The following ZNF512B variants were observed in gnomAD, a reference collection of about 807,000 sequenced individuals.
ZNF512B encodes zinc finger protein 512B.
Under a neutral mutation model 87.8 loss-of-function variants are expected in ZNF512B, and 22 were observed. The observed-to-expected ratio is 0.25, with a 90% CI of 0.18 to 0.36. ZNF512B has a LOEUF of 0.36. ZNF512B is among the 10% of genes least tolerant of loss of function. The pLI is 1.00. For missense variants in ZNF512B, 1,060 were observed against 1,231.6 expected, an observed-to-expected ratio of 0.86 and a Z score of 2.09; for synonymous variants, 524 against 490.9, an observed-to-expected ratio of 1.07 and a Z score of -0.89.
chr20:63,962,921 G>A, intron 12 of ZNF512B, 140 bp from the exon 13 acceptor site: 1 of 1,263,452 alleles, frequency 7.9e-7, no homozygotes, highest in South Asian at 1.5e-5. Flanking sequence ...GGCAACCCGA[G>A]GGAACACGGA....
rs1016937428 is a variant in ZNF512B at position 63,962,113 on chromosome 20, GGT to G, written c.2266-111_2266-110del. On this transcript the variant is annotated intron_variant, in intron 14 of 16. Transcript: ENST00000369888. ...TGAGGCTCTTTGGGGCAAGTGAGGG[GGT>G]GTGAGTCCTGGGGACTGGGCAGGCT... 7 of 1,373,958 alleles carry G rather than the reference GGT, an allele frequency of 5.1e-6. No homozygotes were observed. The Admixed American group carries it at 1.4e-4, about 27-fold the overall frequency. The allele number at this position is 1,373,958 out of a possible 1,614,324, so 85.1% of individuals were successfully genotyped here.
rs190445479 is a variant in ZNF512B at position 63,959,473 on chromosome 20, C to T, written c.*415G>A. The T allele has an allele frequency of 2.7e-4, 54 of 199,340 alleles. No homozygotes were observed. Among genetic ancestry groups the T allele is most frequent in the Middle Eastern group, 2.0e-3 (1 of 512 alleles). 12.3% of individuals were successfully genotyped at this position (199,340 alleles called of 1,614,324 possible). On this transcript the variant is annotated 3_prime_UTR_variant, in exon 17 of 17. Coordinates refer to ENST00000369888, the MANE Select transcript of ZNF512B (RefSeq NM_020713.3). ...TGCCAGGTTGCTCAGGTGCCCTCACCAGCCCAGAACCACAGGTCACCAGGG... is the reference window on the plus strand; with the variant it reads ...TGCCAGGTTGCTCAGGTGCCCTCACTAGCCCAGAACCACAGGTCACCAGGG...
rs1018687348 is a variant in ZNF512B at position 63,967,892 on chromosome 20, G to A, written c.59C>T (p.Pro20Leu). Reference sequence around the variant, plus strand: ...CTCCTTTCGGCTGCCATCCTTCCCGGGACCACTCTTGCTGGACCCCGGGAG... The same window carrying A: ...CTCCTTTCGGCTGCCATCCTTCCCGAGACCACTCTTGCTGGACCCCGGGAG... The part of the protein sequence containing the change: ...RRLPGSSKSG[P>L]GKDGSRKEVR... The change falls in exon 2 of 17, where the codon CCC becomes CTC. Residue 20 changes from proline (P) to leucine (L), a missense_variant. Pro to Leu is a moderately conservative substitution (Grantham distance 98). Transcript: ENST00000369888. 3.1e-6 allele frequency: 5 copies of A among 1,613,076 alleles called. No homozygotes were observed. Among genetic ancestry groups the A allele is most frequent in the Non-Finnish European group, 4.2e-6 (5 of 1,179,790 alleles).
chr20:63,964,017 T>TG (rs1372133935), intron 8 of ZNF512B, 54 bp downstream of exon 8: 6 of 1,593,884 alleles, frequency 3.8e-6, no homozygotes, highest in Non-Finnish European at 5.1e-6. Flanking sequence ...CCCTGTGCTG[T>TG]GGGATCTACC....
Position 63,963,726 on chromosome 20 carries a change from A to G in ZNF512B, c.1606-16T>C, listed in dbSNP as rs1386100313. ...CATCCTGAAGCTGCAGATGGCCCAC[A>G]TGTGAGAAGCCTGCCTGGGGCCAGG... is the stretch of plus-strand genomic sequence containing the variant. On this transcript the variant is annotated splice_polypyrimidine_tract_variant and intron_variant, in intron 9 of 16. Transcript: ENST00000369888. The G allele has an allele frequency of 1.2e-6, 2 of 1,613,172 alleles. No individual in the cohort carries two copies. The highest frequency in any genetic ancestry group is 2.2e-5 in the East Asian group (1 of 44,858).
Position 63,962,021 on chromosome 20 carries a change from C to T in ZNF512B, c.2266-17G>A, listed in dbSNP as rs986777489. 13 of 1,550,646 alleles carry T rather than the reference C, an allele frequency of 8.4e-6. No individual in the cohort carries two copies. The highest frequency in any genetic ancestry group is 5.5e-5 in the African/African-American group (4 of 73,028). On this transcript the variant is annotated splice_polypyrimidine_tract_variant and intron_variant, in intron 14 of 16. Coordinates refer to ENST00000369888, the MANE Select transcript of ZNF512B (RefSeq NM_020713.3). ...TTCACAGCACTGCAGGGAAGGGAGC[C>T]GTGGGCGAAGGCCTCTGGTGGGCAC... is the stretch of plus-strand genomic sequence containing the variant.
intron 2 of ZNF512B, 53 bp from the exon 3 acceptor site, chr20:63,967,576 C>A (rs573696322): frequency 2.5e-5 from 38 of 1,534,610 alleles, no homozygotes; most frequent in Non-Finnish European, 5.3e-6. Flanking sequence ...CGCCTACCAC[C>A]GGCGGCTGCA....
chr20:63,966,428 G>T lies in ZNF512B; in HGVS notation c.747C>A (p.Thr249=), dbSNP rs371730616. 2 of 1,613,948 alleles carry T rather than the reference G, an allele frequency of 1.2e-6. 1 individual carries two copies. Among genetic ancestry groups the T allele is most frequent in the Admixed American group, 3.3e-5 (2 of 59,978 alleles). The change falls in exon 5 of 17, where the codon ACC becomes ACA. Residue 249 remains threonine (T), a synonymous_variant. Coordinates refer to ENST00000369888, the MANE Select transcript of ZNF512B (RefSeq NM_020713.3). ...PVTVSRPMPV[T]KAMPVTKPIT... is the part of the protein sequence containing the mutation. ...TGGGTTTGGTGACCGGCATGGCCTTGGTGACGGGCATGGGCCTGCTGACTG... is the reference window on the plus strand; with the variant it reads ...TGGGTTTGGTGACCGGCATGGCCTTTGTGACGGGCATGGGCCTGCTGACTG...
In ZNF512B at chr20:63,961,254, C is replaced by T. The variant is rs2058847416; in HGVS notation, c.2427+55G>A. 6.3e-7 allele frequency: 1 copy of T among 1,575,446 alleles called. No homozygotes were observed. Among genetic ancestry groups the T allele is most frequent in the African/African-American group, 1.3e-5 (1 of 74,410 alleles). ...CCCCCAAGGGGTGCCCAACCCCAGCCCTGTCCCCTCCTGGGCTAGCCCCCA... is the reference window on the plus strand; with the variant it reads ...CCCCCAAGGGGTGCCCAACCCCAGCTCTGTCCCCTCCTGGGCTAGCCCCCA... On this transcript the variant is annotated intron_variant, in intron 16 of 16. Transcript: ENST00000369888. The surrounding 1 kb of genome is among the most constrained non-coding windows in gnomAD (Gnocchi z 6.4).
Position 63,959,782 on chromosome 20 carries a change from G to T in ZNF512B, c.*106C>A. ...TGCCCCACTGGACGGATGAAGAGGCGGGGGTGGGGGATGGAGAACTGGAGG... is the reference window on the plus strand; with the variant it reads ...TGCCCCACTGGACGGATGAAGAGGCTGGGGTGGGGGATGGAGAACTGGAGG... On this transcript the variant is annotated 3_prime_UTR_variant, in exon 17 of 17. Coordinates refer to ENST00000369888, the MANE Select transcript of ZNF512B (RefSeq NM_020713.3). 7.0e-7 allele frequency: 1 copy of T among 1,422,916 alleles called. No homozygotes were observed. Among genetic ancestry groups the T allele is most frequent in the Non-Finnish European group, 9.3e-7 (1 of 1,080,974 alleles). The allele number at this position is 1,422,916 out of a possible 1,614,324, so 88.1% of individuals were successfully genotyped here. A position where few individuals can be genotyped will look rare whatever the true frequency, so the allele number is the denominator to read the frequency against.
intron 1 of ZNF512B, among the ~76,000 whole-genome samples, chr20:63,968,878 G>A (rs571763356): frequency 2.0e-4 from 30 of 152,388 alleles, no homozygotes; most frequent in African/African-American, 7.2e-4. Context: ...TGAGAGCTGG[G>A]GAGCAGAGGA....
Position 63,963,172 on chromosome 20 carries a change from G to T in ZNF512B, c.1891C>A (p.Pro631Thr). The T allele has an allele frequency of 1.9e-6, 3 of 1,548,624 alleles. No individual in the cohort carries two copies. Among genetic ancestry groups the T allele is most frequent in the Non-Finnish European group, 2.6e-6 (3 of 1,152,382 alleles). The part of the protein sequence containing the change: ...PPCEVDSPSF[P>T]CTHCGKTYRS... ...TACGTCTTGCCACAGTGGGTGCAGG[G>T]GAAGGAGGGGCTGTCCACCTCGCAG... The change falls in exon 12 of 17, where the codon CCC becomes ACC. Residue 631 changes from proline to threonine, a missense_variant. Physicochemically the swap from Pro to Thr is conservative, Grantham distance 38 (BLOSUM62 -1). Transcript: ENST00000369888.
chr20:63,966,164 T>C lies in ZNF512B; in HGVS notation c.1011A>G (p.Thr337=), dbSNP rs765929271. 71 of 1,610,024 alleles carry C rather than the reference T, an allele frequency of 4.4e-5. No homozygotes were observed. Among genetic ancestry groups the C allele is most frequent in the Non-Finnish European group, 5.9e-5 (70 of 1,177,670 alleles). The change falls in exon 5 of 17, where the codon ACA becomes ACG. Residue 337 remains threonine (T), a synonymous_variant. Transcript: ENST00000369888. ...TRSENKAPRA[T]GRNSGKKRAA... ...ACCTTTTCTTACCACTGTTCCTCCC[T>C]GTGGCACGAGGTGCTTTGTTCTCCG...
chr20:63,962,222 C>T (rs1199660909), intron 14 of ZNF512B, 51 bp downstream of exon 14: 1 of 1,530,594 alleles, frequency 6.5e-7, no homozygotes, highest in Admixed American at 1.8e-5. Context: ...CACACCCAGG[C>T]TCTGGCCCTG....
chr20:63,959,818 C>G lies in ZNF512B; in HGVS notation c.*70G>C. 6.7e-7 allele frequency: 1 copy of G among 1,501,346 alleles called. No individual in the cohort carries two copies. The highest frequency in any genetic ancestry group is 1.3e-5 in the South Asian group (1 of 74,454). The allele number at this position is 1,501,346 out of a possible 1,614,324, so 93.0% of individuals were successfully genotyped here. On this transcript the variant is annotated 3_prime_UTR_variant, in exon 17 of 17. Transcript: ENST00000369888. ...ATGGAGAACTGGAGGACAGAGGTCC[C>G]GGAGCTGGCCCTGCCTTGAACAGAG... is the stretch of plus-strand genomic sequence containing the variant.
chr20:63,963,146 G>C lies in ZNF512B; in HGVS notation c.1917C>G (p.Tyr639Ter). ...SFPCTHCGKT[Y>*]RSKAGHDYHV... ...GGTAGTCGTGGCCAGCCTTGGATCG[G>C]TACGTCTTGCCACAGTGGGTGCAGG... is the stretch of plus-strand genomic sequence containing the variant. Residue 639 changes from tyrosine (Y) to a stop codon, truncating the protein, a stop_gained, in exon 12 of 17, where the codon TAC (tyrosine) becomes TAG (stop). Transcript: ENST00000369888. LOFTEE classifies it high-confidence loss of function. 1 of 1,553,270 alleles carries C rather than the reference G, an allele frequency of 6.4e-7. No homozygotes were observed. Among genetic ancestry groups the C allele is most frequent in the Non-Finnish European group, 8.7e-7 (1 of 1,155,858 alleles).
intron 3 of ZNF512B, 82 bp from the exon 4 acceptor site, chr20:63,967,086 C>G (rs558016398): frequency 3.2e-6 from 5 of 1,585,590 alleles, no homozygotes; most frequent in Middle Eastern, 2.1e-4. Flanking sequence ...AGAGCCCCCC[C>G]GGGCCTGCAG....
rs375172742 is a variant in ZNF512B, at chr20:63,963,127, C to T, written c.1936G>A (p.Asp646Asn). The T allele has an allele frequency of 1.9e-5, 29 of 1,558,494 alleles. No homozygotes were observed. In the Admixed American group the frequency reaches 3.3e-4, roughly 18 times the overall value. ...GKTYRSKAGH[D>N]YHVRSEHTAP... is the part of the protein sequence containing the mutation. ...GTGTGCTCCGAGCGCACGTGGTAGT[C>T]GTGGCCAGCCTTGGATCGGTACGTC... is the stretch of plus-strand genomic sequence containing the variant. Residue 646 changes from aspartate (D) to asparagine (N), a missense_variant, in exon 12 of 17, where the codon GAC (aspartate) becomes AAC (asparagine). Physicochemically the swap from Asp to Asn is conservative, Grantham distance 23 (BLOSUM62 1). Coordinates refer to ENST00000369888, the MANE Select transcript of ZNF512B (RefSeq NM_020713.3).
chr20:63,967,098 G>A, intron 3 of ZNF512B, 94 bp from the exon 4 acceptor site: 1 of 1,559,816 alleles, frequency 6.4e-7, no homozygotes, highest in African/African-American at 1.4e-5. Context: ...GGCCTGCAGG[G>A]CACACACACC....
Sources: allele counts gnomAD v4.1 joint callset (sites outside exome capture counted in the v4.1 genomes callset), GRCh38; gene constraint gnomAD v4.1.1; non-coding constraint Gnocchi (gnomAD v3.1); transcripts MANE v1.5; gene names NCBI Gene and HGNC (gene_info 2026-07-23, HGNC 2026-07-21).